The following CBR4 variants were observed in gnomAD, a reference collection of about 807,000 sequenced individuals.
CBR4 encodes the protein 3-oxoacyl-[acyl-carrier-protein] reductase.
In CBR4, 22 loss-of-function variants were observed where a neutral mutation model predicts 21.0. The ratio of observed to expected loss-of-function variants is 1.05; its 90% confidence interval spans 0.75 to 1.50. The LOEUF is 1.50. Among genes scored for constraint, CBR4 ranks in the 40% most tolerant of loss-of-function variants. The pLI is 0.00. For missense variants in CBR4, 302 were observed against 286.3 expected, an observed-to-expected ratio of 1.05 and a Z score of -0.40; for synonymous variants, 100 against 104.4, an observed-to-expected ratio of 0.96 and a Z score of 0.26.
chr4:168,920,932 A>G (rs755735540), intron 2 of CBR4, among the ~76,000 whole-genome samples: 1 of 152,162 alleles, frequency 6.6e-6, no homozygotes, highest in Non-Finnish European at 1.5e-5. Flanking sequence ...TGCTGATATC[A>G]TCCCATTAAT....
chr4:168,914,808 G>C (rs554668076), intron 2 of CBR4, among the ~76,000 whole-genome samples: 2 of 152,298 alleles, frequency 1.3e-5, no homozygotes, highest in African/African-American at 4.8e-5. Flanking sequence ...CAGAGAGTAG[G>C]CAGGAAAACT....
At chr4:168,972,737 T>C (rs941234277) in intron 2 of CBR4, among the ~76,000 whole-genome samples, 1 of 152,350 alleles carries the variant, frequency 6.6e-6, no homozygotes, top group South Asian at 2.1e-4. Flanking sequence ...GGTGACAGTT[T>C]GACTTCCTCT....
chr4:168,979,498 T>C (rs977117907), intron 2 of CBR4, among the ~76,000 whole-genome samples: 1 of 152,128 alleles, frequency 6.6e-6, no homozygotes, highest in Non-Finnish European at 1.5e-5. Context: ...GATCAGTCAG[T>C]GGCAGCTCTG....
downstream of CBR4, among the ~76,000 whole-genome samples, chr4:168,986,770 T>G (rs1467494214): frequency 4.6e-5 from 7 of 152,004 alleles, no homozygotes; most frequent in Non-Finnish European, 1.0e-4. Context: ...CAGTGAGACC[T>G]TGTCTCTACA....
At chr4:168,977,657 T>C (rs1764412157) in intron 2 of CBR4, among the ~76,000 whole-genome samples, 1 of 152,230 alleles carries the variant, frequency 6.6e-6, no homozygotes, top group South Asian at 2.1e-4. Flanking sequence ...GACCCATACA[T>C]ACTTGATGTC....
In CBR4 at chr4:169,009,881, A is replaced by G. The variant is rs1380858125; in HGVS notation, c.142+67T>C. The stretch of plus-strand genomic sequence containing the variant: ...TAAAGGCCAGACCCGCTCTTTTTAC[A>G]AAGGAGATTTTCTTTAGGCGCCTGG... On this transcript the variant is annotated intron_variant, in intron 1 of 4. Transcript: ENST00000306193. The G allele has an allele frequency of 2.3e-5, 34 of 1,455,660 alleles. 1 individual carries two copies. Among genetic ancestry groups the G allele is most frequent in the Middle Eastern group, 2.5e-4 (1 of 4,074 alleles). 90.2% of individuals were successfully genotyped at this position (1,455,660 alleles called of 1,614,324 possible).
intron 2 of CBR4, among the ~76,000 whole-genome samples, chr4:168,928,881 A>AGAT (rs1181810525): frequency 1.3e-5 from 2 of 152,198 alleles, no homozygotes; most frequent in African/African-American, 4.8e-5. Context: ...AGGCCCATCC[A>AGAT]GATAATCTCC....
At position 168,905,156 on chromosome 4, in the gene CBR4, T is replaced by G. The variant is rs1290159081; in HGVS notation, n.170-10391A>C. ...TTTGTTGGTTTTTTTTTTTTTTTTT[T>G]TTTTTTTTTTTTGAGATGGAATCTC... On this transcript the variant is annotated intron_variant and non_coding_transcript_variant, in intron 2 of 3. Coordinates refer to the CBR4 transcript ENST00000509108. Among the ~76,000 whole-genome samples the G allele has an allele frequency of 6.6e-3, 896 of 136,714 alleles. 20 individuals carry two copies. The highest frequency in any genetic ancestry group is 0.018 in the African/African-American group (682 of 36,994). The allele number at this position is 136,714 out of a possible 152,430, so 89.7% of individuals were successfully genotyped here.
intron 2 of CBR4, among the ~76,000 whole-genome samples, chr4:168,929,531 C>A (rs1404239960): frequency 6.6e-6 from 1 of 152,168 alleles, no homozygotes; most frequent in Non-Finnish European, 1.5e-5. Context: ...ACATGACAAT[C>A]CCCTTGGCTT....
intron 2 of CBR4, among the ~76,000 whole-genome samples, chr4:168,905,627 G>C (rs1251677680): frequency 6.6e-6 from 1 of 151,952 alleles, no homozygotes; most frequent in African/African-American, 2.4e-5. Context: ...TTAATGAAAA[G>C]CTTCTATATT....
intron 2 of CBR4, among the ~76,000 whole-genome samples, chr4:168,972,347 T>C (rs966936449): frequency 7.9e-5 from 12 of 152,216 alleles, no homozygotes; most frequent in African/African-American, 2.4e-4. Context: ...AGGAATTGCA[T>C]TGAACTTATA....
At chr4:168,953,804 T>C (rs970937611) in intron 2 of CBR4, among the ~76,000 whole-genome samples, 3 of 152,044 alleles carry the variant, frequency 2.0e-5, no homozygotes, top group African/African-American at 4.8e-5. Context: ...GCATCTAATA[T>C]GACAGGGATC....
intron 2 of CBR4, chr4:168,927,588 A>G (rs1560944691): frequency 4.4e-6 from 1 of 229,736 alleles, no homozygotes; most frequent in East Asian, 6.2e-5. Flanking sequence ...GGTTTGTGCC[A>G]TAAAGTATTT....
intron 2 of CBR4, among the ~76,000 whole-genome samples, chr4:168,895,929 C>T (rs1226272025): frequency 1.3e-5 from 2 of 152,192 alleles, no homozygotes; most frequent in African/African-American, 2.4e-5. Context: ...GCATTTAAGG[C>T]GGGGCGCAGT....
At chr4:169,004,873 T>A (rs1730773659) in intron 3 of CBR4, among the ~76,000 whole-genome samples, 1 of 152,210 alleles carries the variant, frequency 6.6e-6, no homozygotes. Context: ...GTAATAATAA[T>A]TTTTAATTCA....
intron 2 of CBR4, among the ~76,000 whole-genome samples, chr4:168,958,188 C>T (rs908343239): frequency 6.6e-6 from 1 of 151,820 alleles, no homozygotes; most frequent in African/African-American, 2.4e-5. Flanking sequence ...TGCTTGAACC[C>T]AAGAGGCGGA....
intron 2 of CBR4, among the ~76,000 whole-genome samples, chr4:168,964,468 C>T (rs1271651839): frequency 6.6e-6 from 1 of 152,188 alleles, no homozygotes; most frequent in Non-Finnish European, 1.5e-5. Flanking sequence ...TTTCTCCCCA[C>T]AAGCCAATGC....
rs1764263471 is a variant in CBR4, at chr4:168,973,198, A to G, written n.169+28873T>C. On this transcript the variant is annotated intron_variant and non_coding_transcript_variant, in intron 2 of 3. Transcript: ENST00000509108. ...CTAGTATTTTGTTGTGGAGTTTTGC[A>G]TCTATGTTTATTGGGGATATTGATA... 1.3e-5 allele frequency among the ~76,000 whole-genome samples: 2 copies of G among 152,062 alleles called. 1 individual carries two copies. Among genetic ancestry groups the G allele is most frequent in the Non-Finnish European group, 2.9e-5 (2 of 67,998 alleles).
rs548185144 is a variant in CBR4 at position 168,898,429 on chromosome 4, G to A, written n.170-3664C>T. 4 of 1,012,398 alleles carry A rather than the reference G, an allele frequency of 4.0e-6. No individual in the cohort carries two copies. The East Asian group carries it at 9.8e-5, about 25-fold the overall frequency. 62.7% of individuals were successfully genotyped at this position (1,012,398 alleles called of 1,614,324 possible). The stretch of plus-strand genomic sequence containing the variant: ...TCTTCTAGGGCCTTATTGGGGGGCA[G>A]GGAGAGACGTGACACTTTGTCAGAA... On this transcript the variant is annotated intron_variant and non_coding_transcript_variant, in intron 2 of 3. Coordinates refer to the CBR4 transcript ENST00000509108.
Sources: gnomAD v4.1 joint callset for allele counts (sites outside exome capture counted in the v4.1 genomes callset) on GRCh38, gnomAD v4.1.1 for gene constraint, MANE v1.5 for transcripts, NCBI Gene and HGNC (gene_info 2026-07-23, HGNC 2026-07-21) for gene names.